Variants in VAC14 observed in about 807,000 individuals in gnomAD.
VAC14 encodes protein VAC14 homolog.
A neutral mutation model predicts 85.3 loss-of-function variants in VAC14; 47 were observed. The ratio of observed to expected loss-of-function variants is 0.55; its 90% confidence interval spans 0.44 to 0.70. The LOEUF (loss-of-function observed/expected upper bound fraction) is 0.70, where lower values mean the gene tolerates loss of function less well. Ranked by LOEUF, VAC14 falls within the 30% of genes least tolerant of loss-of-function variation. The pLI, the probability that VAC14 is intolerant of heterozygous loss-of-function variation, is 0.00. For missense variants in VAC14, 861 were observed against 1,004.3 expected (o/e 0.86, Z 1.93); for synonymous variants, 447 against 430.5 (o/e 1.04, Z -0.47).
At chr16:70,733,952 A>G (rs535052063) in intron 13 of VAC14, among the ~76,000 whole-genome samples, 1 of 152,206 alleles carries the variant, frequency 6.6e-6, no homozygotes, top group African/African-American at 2.4e-5. Context: ...CCTCCCAAGT[A>G]GCTGGGACTA....
chr16:70,732,817 A>AT (rs750802000), intron 13 of VAC14, among the ~76,000 whole-genome samples: 46 of 146,250 alleles, frequency 3.1e-4, no homozygotes, highest in Admixed American at 1.4e-3. Context: ...AATTTTTGTA[A>AT]TTTTTTTTTT....
At chr16:70,797,905 G>A (rs1214467386) in intron 1 of VAC14, among the ~76,000 whole-genome samples, 3 of 152,172 alleles carry the variant, frequency 2.0e-5, no homozygotes, top group Admixed American at 6.5e-5. Flanking sequence ...AGCATCCTGA[G>A]GCCCCGCCAG....
At chr16:70,788,343 G>C (rs553738700) in intron 1 of VAC14, among the ~76,000 whole-genome samples, 13 of 152,220 alleles carry the variant, frequency 8.5e-5, no homozygotes, top group South Asian at 4.1e-4. Flanking sequence ...GTTCACGCAA[G>C]AGGTGACAAA....
At chr16:70,770,718 G>C (rs1223045275) in intron 10 of VAC14, 2 of 152,252 alleles carry the variant, frequency 1.3e-5, no homozygotes, top group African/African-American at 4.8e-5. Context: ...GACACATTCA[G>C]GGGCCAGCTC....
At chr16:70,786,453 G>T in intron 1 of VAC14, 88 bp from the exon 2 acceptor site, 1 of 1,530,330 alleles carries the variant, frequency 6.5e-7, no homozygotes, top group South Asian at 1.2e-5. Flanking sequence ...GAAGGGAGAT[G>T]ACCTGTTTGG....
chr16:70,698,669 G>A lies in VAC14; in HGVS notation c.1804C>T (p.Leu602=). ...TTCAGGTCCTTCAGCTGGTTCCTTA[G>A]CTGGAAGAGCTCTGTGGAGGTCAGC... ...ILLTSTELFQ[L]RNQLKDLKTL... The change falls in exon 15 of 19, where the codon CTA becomes TTA. Residue 602 remains leucine (L), a synonymous_variant. Transcript: ENST00000261776. 6.2e-7 allele frequency: 1 copy of A among 1,614,172 alleles called. No individual in the cohort carries two copies. Among genetic ancestry groups the A allele is most frequent in the Non-Finnish European group, 8.5e-7 (1 of 1,180,008 alleles).
chr16:70,689,888 C>T, intron 18 of VAC14: 1 of 985,478 alleles, frequency 1.0e-6, no homozygotes, highest in Non-Finnish European at 1.2e-6. Context: ...GGCCAAGGGC[C>T]ACCCCGGAGC....
chr16:70,783,428 C>T lies in VAC14; in HGVS notation c.704+17G>A. On this transcript the variant is annotated intron_variant, in intron 6 of 18. Coordinates refer to ENST00000261776, the MANE Select transcript of VAC14 (RefSeq NM_018052.5). ...GGTGGCAGGAGGCAGCAGCTTCCTG[C>T]CCCTTACTCCACTCACATTTTGCGA... 1 of 1,613,006 alleles carries T rather than the reference C, an allele frequency of 6.2e-7. No individual in the cohort carries two copies. Among genetic ancestry groups the T allele is most frequent in the Non-Finnish European group, 8.5e-7 (1 of 1,179,302 alleles).
At chr16:70,708,794 G>C (rs1371207098) in intron 14 of VAC14, among the ~76,000 whole-genome samples, 1 of 152,216 alleles carries the variant, frequency 6.6e-6, no homozygotes, top group Non-Finnish European at 1.5e-5. Flanking sequence ...CCGGGGTGAG[G>C]AGACAGCTGG....
intron 14 of VAC14, among the ~76,000 whole-genome samples, chr16:70,717,562 A>G (rs1411566708): frequency 1.3e-5 from 2 of 152,244 alleles, no homozygotes; most frequent in Non-Finnish European, 2.9e-5. Flanking sequence ...TGTGCCGTCC[A>G]GAGTCCTGAC....
At chr16:70,719,149 C>G (rs2054230216) in intron 14 of VAC14, among the ~76,000 whole-genome samples, 2 of 152,258 alleles carry the variant, frequency 1.3e-5, no homozygotes, top group South Asian at 4.1e-4. Flanking sequence ...TTTGCTTTTA[C>G]AAAGCACAAA....
At chr16:70,761,225 G>A (rs577469642) in intron 12 of VAC14, 17 of 455,370 alleles carry the variant, frequency 3.7e-5, no homozygotes, top group African/African-American at 2.6e-4. Context: ...CACCAGCCCA[G>A]GGAAGACTGA....
intron 1 of VAC14, among the ~76,000 whole-genome samples, chr16:70,790,699 G>A (rs1381325928): frequency 6.6e-6 from 1 of 152,088 alleles, no homozygotes; most frequent in African/African-American, 2.4e-5. Context: ...AAGAGCAAAT[G>A]TCTTCTTGCT....
chr16:70,793,845 G>A (rs1371809039), intron 1 of VAC14, among the ~76,000 whole-genome samples: 1 of 152,212 alleles, frequency 6.6e-6, no homozygotes, highest in Non-Finnish European at 1.5e-5. Context: ...GACAAGCTGT[G>A]ATCTTATACA....
intron 13 of VAC14, among the ~76,000 whole-genome samples, chr16:70,739,316 C>A (rs1378993256): frequency 6.6e-6 from 1 of 152,176 alleles, no homozygotes; most frequent in Non-Finnish European, 1.5e-5. Context: ...GAGGAAGGGG[C>A]TTCAAGAGAA....
chr16:70,775,635 A>G (rs2033478726), intron 9 of VAC14, among the ~76,000 whole-genome samples: 1 of 152,226 alleles, frequency 6.6e-6, no homozygotes, highest in Non-Finnish European at 1.5e-5. Flanking sequence ...GCCAAGGCCC[A>G]GGCAGCCTGG....
intron 13 of VAC14, among the ~76,000 whole-genome samples, chr16:70,741,365 A>C (rs2030282465): frequency 6.6e-6 from 1 of 152,236 alleles, no homozygotes; most frequent in South Asian, 2.1e-4. Flanking sequence ...AGTGCCTGGC[A>C]CGTGCCCTCC....
intron 14 of VAC14, among the ~76,000 whole-genome samples, chr16:70,704,324 T>C (rs1597860422): frequency 6.6e-6 from 1 of 152,136 alleles, no homozygotes; most frequent in African/African-American, 2.4e-5. Context: ...GAGAAAGGCA[T>C]GGATGGGAGC....
chr16:70,688,230 TCCGTCATGGCGGGC>T lies in VAC14; in HGVS notation c.2187-154_2187-141del, dbSNP rs147952023. ...CGTCTGTCTCAGGCCTGGCAACTCTTCCGTCATGGCGGGCCCCAGAGCTGGGAAGCCCCTGAGCA... is the reference window on the plus strand; with the variant it reads ...CGTCTGTCTCAGGCCTGGCAACTCTTCCCAGAGCTGGGAAGCCCCTGAGCA... On this transcript the variant is annotated intron_variant, in intron 18 of 18. Transcript: ENST00000261776. 3,476 of 1,303,342 alleles carry T rather than the reference TCCGTCATGGCGGGC, an allele frequency of 2.7e-3. 95 individuals are homozygous for T. The African/African-American group carries it at 0.048, about 18-fold the overall frequency. 80.7% of individuals were successfully genotyped at this position (1,303,342 alleles called of 1,614,324 possible). A position where few individuals can be genotyped will look rare whatever the true frequency, so the allele number is the denominator to read the frequency against.
Sources: allele counts gnomAD v4.1 joint callset (sites outside exome capture counted in the v4.1 genomes callset), GRCh38; gene constraint gnomAD v4.1.1; transcripts MANE v1.5; gene names NCBI Gene and HGNC (gene_info 2026-07-23, HGNC 2026-07-21).